Variants in IFI44L observed in about 807,000 individuals in gnomAD.
The protein encoded by IFI44L is interferon-induced protein 44-like.
A neutral mutation model predicts 39.3 loss-of-function variants in IFI44L; 40 were observed. The observed-to-expected ratio is 1.02, with a 90% CI of 0.79 to 1.33. IFI44L has a LOEUF of 1.33. IFI44L is among the 40% of genes most tolerant of loss of function. IFI44L has a pLI of 0.00. For missense variants in IFI44L, 623 were observed against 549.0 expected, an observed-to-expected ratio of 1.13 and a Z score of -1.35; for synonymous variants, 198 against 182.3, an observed-to-expected ratio of 1.09 and a Z score of -0.69.
At chr1:78,633,580 A>G (rs1278671303) in intron 4 of IFI44L, among the ~76,000 whole-genome samples, 4 of 152,180 alleles carry the variant, frequency 2.6e-5, no homozygotes, top group African/African-American at 9.6e-5. Flanking sequence ...TGATTGTTGA[A>G]GGACTTTTCC....
chr1:78,637,449 T>C (rs548462827), intron 6 of IFI44L, among the ~76,000 whole-genome samples: 4 of 152,184 alleles, frequency 2.6e-5, no homozygotes, highest in African/African-American at 7.2e-5. Flanking sequence ...AGGCTTTAGA[T>C]AGGGCTAAAA....
intron 5 of IFI44L, among the ~76,000 whole-genome samples, chr1:78,636,492 TAGAA>T (rs1652955598): frequency 6.6e-6 from 1 of 152,138 alleles, no homozygotes; most frequent in African/African-American, 2.4e-5. Flanking sequence ...TCCTTAATCT[TAGAA>T]AGATTACTGT....
At chr1:78,624,434 G>A (rs1215056831) in intron 1 of IFI44L, among the ~76,000 whole-genome samples, 1 of 152,288 alleles carries the variant, frequency 6.6e-6, no homozygotes, top group East Asian at 1.9e-4. Context: ...TGGTTATGAG[G>A]AAAGACTTGA....
In IFI44L at chr1:78,637,719, T is replaced by C. The variant is rs573198236; in HGVS notation, c.1048+516T>C. ...GTTATACAAATGGAATCATACAGTA[T>C]GTCACCTTTTGAGACTGGCTTTTTT... On this transcript the variant is annotated intron_variant, in intron 6 of 8. Coordinates refer to ENST00000370751, the MANE Select transcript of IFI44L (RefSeq NM_006820.4). Among the ~76,000 whole-genome samples, 7 of 152,276 alleles carry C rather than the reference T, an allele frequency of 4.6e-5. No homozygotes were observed. The South Asian group carries it at 8.3e-4, about 18-fold the overall frequency.
intron 6 of IFI44L, among the ~76,000 whole-genome samples, chr1:78,640,789 A>C (rs2100395748): frequency 6.6e-6 from 1 of 152,198 alleles, no homozygotes; most frequent in African/African-American, 2.4e-5. Flanking sequence ...AGATGATTGC[A>C]ATTTAGTGTG....
intron 6 of IFI44L, among the ~76,000 whole-genome samples, chr1:78,638,748 A>G (rs990113175): frequency 6.6e-5 from 10 of 152,068 alleles, no homozygotes; most frequent in Non-Finnish European, 1.5e-4. Flanking sequence ...GTTCTTAAGC[A>G]TTTTTATGAT....
chr1:78,643,160 T>TTTTTTTTTTTTTTTTTTTTTTTTTGAG lies in IFI44L; in HGVS notation c.*1351_*1352insTTTTTTTTTTTTTTTTTTTTTTTTGAG, dbSNP rs1367397714. 1.3e-5 allele frequency: 2 copies of TTTTTTTTTTTTTTTTTTTTTTTTTGAG among 151,870 alleles called. No individual in the cohort carries two copies. Among genetic ancestry groups the TTTTTTTTTTTTTTTTTTTTTTTTTGAG allele is most frequent in the Non-Finnish European group, 2.9e-5 (2 of 67,976 alleles). The allele number at this position is 151,870 out of a possible 1,614,324, so 9.4% of individuals were successfully genotyped here. ...AGATATTAAGAAAGCAAGAGTTTCT[T>TTTTTTTTTTTTTTTTTTTTTTTTTGAG]ATGTCCAGTTATGGAATATTTCCTA... On this transcript the variant is annotated 3_prime_UTR_variant, in exon 9 of 9. Transcript: ENST00000370751.
rs192389060 is a variant in IFI44L at position 78,622,059 on chromosome 1, C to G, written c.-11+1488C>G. Among the ~76,000 whole-genome samples, 16 of 152,188 alleles carry G rather than the reference C, an allele frequency of 1.1e-4. No individual in the cohort carries two copies. In the East Asian group the frequency reaches 1.9e-3, roughly 18 times the overall value. ...TAACTGTATATTTGTACTCATTAAC[C>G]TACATCTCTTCATCTCTCCCTCCTA... is the stretch of plus-strand genomic sequence containing the variant. On this transcript the variant is annotated intron_variant, in intron 1 of 8. Coordinates refer to ENST00000370751, the MANE Select transcript of IFI44L (RefSeq NM_006820.4).
At chr1:78,621,280 G>T (rs886855453) in intron 1 of IFI44L, among the ~76,000 whole-genome samples, 2 of 151,982 alleles carry the variant, frequency 1.3e-5, no homozygotes, top group Non-Finnish European at 2.9e-5. Context: ...ACTATATATT[G>T]TTTTCTTATG....
rs193005640 is a variant in IFI44L, at chr1:78,645,386, T to C, written c.*3577T>C. 11 of 152,338 alleles carry C rather than the reference T, an allele frequency of 7.2e-5. No individual in the cohort carries two copies. In the East Asian group the frequency reaches 9.6e-4, roughly 13 times the overall value. The allele number at this position is 152,338 out of a possible 1,614,324, so 9.4% of individuals were successfully genotyped here. A position where few individuals can be genotyped will look rare whatever the true frequency, so the allele number is the denominator to read the frequency against. On this transcript the variant is annotated 3_prime_UTR_variant, in exon 9 of 9. Coordinates refer to ENST00000370751, the MANE Select transcript of IFI44L (RefSeq NM_006820.4). ...ACACTTCTTCCTTTTAGGTCAACAA[T>C]ACCAAGAGGGGTTACTGTGCTGGGT...
chr1:78,628,793 T>C (rs1652602517), intron 2 of IFI44L, 158 bp from the exon 3 acceptor site: 2 of 596,584 alleles, frequency 3.4e-6, no homozygotes, highest in South Asian at 4.4e-5. Flanking sequence ...GGATAATTTT[T>C]CCTCCTCTTC....
intron 6 of IFI44L, among the ~76,000 whole-genome samples, chr1:78,638,595 T>C: frequency 6.6e-6 from 1 of 152,178 alleles, no homozygotes; most frequent in East Asian, 1.9e-4. Flanking sequence ...TCCATTCTGC[T>C]TTTGAGCATA....
chr1:78,635,525 A>T (rs1175773532), intron 5 of IFI44L, 36 bp downstream of exon 5: 1 of 1,589,540 alleles, frequency 6.3e-7, no homozygotes, highest in Admixed American at 1.8e-5. Context: ...ATTTCAAATC[A>T]TTTTCTTCAG....
rs2100404702 is a variant in IFI44L at position 78,643,098 on chromosome 1, T to G, written c.*1289T>G. The G allele has an allele frequency of 6.6e-6, 1 of 152,212 alleles. No individual in the cohort carries two copies. The highest frequency in any genetic ancestry group is 3.4e-3 in the Middle Eastern group (1 of 294). The allele number at this position is 152,212 out of a possible 1,614,324, so 9.4% of individuals were successfully genotyped here. On this transcript the variant is annotated 3_prime_UTR_variant, in exon 9 of 9. Coordinates refer to ENST00000370751, the MANE Select transcript of IFI44L (RefSeq NM_006820.4). Reference sequence around the variant, plus strand: ...TCCACATTCTGACAGTCTAATTTAGTTTTAATCAGAATTATACTCATCTTT... The same window carrying G: ...TCCACATTCTGACAGTCTAATTTAGGTTTAATCAGAATTATACTCATCTTT...
chr1:78,641,642 T>A (rs773766340), intron 8 of IFI44L, 33 bp downstream of exon 8: 58 of 1,611,932 alleles, frequency 3.6e-5, no homozygotes, highest in Non-Finnish European at 4.8e-5. Flanking sequence ...CTGTCATAGA[T>A]CACTGGTGCC....
At chr1:78,633,014 A>T (rs1652810838) in intron 4 of IFI44L, among the ~76,000 whole-genome samples, 1 of 152,222 alleles carries the variant, frequency 6.6e-6, no homozygotes, top group Admixed American at 6.5e-5. Context: ...CCACTGAAAC[A>T]TCAATTTGAA....
intron 6 of IFI44L, 129 bp from the exon 7 acceptor site, chr1:78,640,892 A>T: frequency 3.4e-6 from 2 of 585,214 alleles, no homozygotes; most frequent in Middle Eastern, 4.7e-4. Context: ...CCATATTGAG[A>T]TGTATTGGGG....
Position 78,629,411 on chromosome 1 carries a change from G to A in IFI44L, c.528-309G>A, listed in dbSNP as rs149385244. Among the ~76,000 whole-genome samples, 4 of 152,130 alleles carry A rather than the reference G, an allele frequency of 2.6e-5. No homozygotes were observed. The East Asian group carries it at 7.7e-4, about 29-fold the overall frequency. ...ACTTTTAGTGAAAATAATAATTTAT[G>A]TTCAATGTCACTGATATTTCTTATT... is the stretch of plus-strand genomic sequence containing the variant. On this transcript the variant is annotated intron_variant, in intron 3 of 8. Transcript: ENST00000370751.
At chr1:78,629,111 AAG>A in intron 3 of IFI44L, 112 bp downstream of exon 3, 2 of 741,398 alleles carry the variant, frequency 2.7e-6, no homozygotes, top group Non-Finnish European at 2.4e-6. Context: ...ATGATTAAAA[AAG>A]AGTTATAATG....
Sources: gnomAD v4.1 joint callset for allele counts (sites outside exome capture counted in the v4.1 genomes callset) on GRCh38, gnomAD v4.1.1 for gene constraint, MANE v1.5 for transcripts, NCBI Gene and HGNC (gene_info 2026-07-23, HGNC 2026-07-21) for gene names.